Variants in R3HCC1 observed in about 807,000 individuals in gnomAD.
R3HCC1 encodes the protein R3H domain and coiled-coil containing 1, also known as R3H and coiled-coil domain-containing protein 1.
Under a neutral mutation model 40.0 loss-of-function variants are expected in R3HCC1, and 32 were observed. The ratio of observed to expected loss-of-function variants is 0.80; its 90% CI spans 0.60 to 1.07. The LOEUF is 1.07. R3HCC1 is among the 50% of genes least tolerant of loss of function. The pLI, the probability that R3HCC1 is intolerant of heterozygous loss-of-function variation, is 0.00. For synonymous variants in R3HCC1, 237 were observed against 232.8 expected (o/e 1.02, Z -0.17); for missense variants, 586 against 563.3 (o/e 1.04, Z -0.41).
chr8:23,291,581 C>CT, intron 5 of R3HCC1, 48 bp downstream of exon 5: 3 of 1,541,298 alleles, frequency 1.9e-6, no homozygotes, highest in Non-Finnish European at 2.6e-6. Context: ...AGCTAAGATA[C>CT]TTCTCTGTAG....
intron 2 of R3HCC1, among the ~76,000 whole-genome samples, 167 bp from the exon 3 acceptor site, chr8:23,288,849 G>C (rs1196600271): frequency 6.6e-6 from 1 of 152,196 alleles, no homozygotes; most frequent in Non-Finnish European, 1.5e-5. Context: ...GATGGGACCT[G>C]TGGGTCCCTG....
At position 23,291,507 on chromosome 8, in the gene R3HCC1, C is replaced by G; in HGVS notation, c.999C>G (p.Asp333Glu). 1 of 1,551,286 alleles carries G rather than the reference C, an allele frequency of 6.4e-7. No individual in the cohort carries two copies. The highest frequency in any genetic ancestry group is 8.7e-7 in the Non-Finnish European group (1 of 1,146,956). The change falls in exon 5 of 8, where the codon GAC becomes GAG. Residue 333 changes from aspartate to glutamate, a missense_variant. By Grantham distance (45) the Asp-to-Glu change is conservative (BLOSUM62 2). Transcript: ENST00000265806. ...TTGAACCAGCGCTCAAGACGGAGGA[C>G]CTGCTGGCAACGTTTTCTGAGTTCC...
chr8:23,291,689 C>T (rs980205020), intron 5 of R3HCC1, among the ~76,000 whole-genome samples, 156 bp downstream of exon 5: 6 of 152,246 alleles, frequency 3.9e-5, no homozygotes, highest in Non-Finnish European at 8.8e-5. Context: ...CTGGGCAGTT[C>T]TCCCTGCCGG....
At chr8:23,295,638 G>A in intron 7 of R3HCC1, 1 of 476,444 alleles carries the variant, frequency 2.1e-6, no homozygotes, top group Admixed American at 2.9e-5. Context: ...TGAGCTCTGG[G>A]TGTTCCATCC....
At position 23,290,150 on chromosome 8, in the gene R3HCC1, C is replaced by T; in HGVS notation, c.533C>T (p.Pro178Leu). The T allele has an allele frequency of 6.4e-7, 1 of 1,551,626 alleles. No homozygotes were observed. ...CCTGGAGATGTTGGTGCTGGAGACCCCAACTCTGATCAGGGACTCCCTGTG... is the reference window on the plus strand; with the variant it reads ...CCTGGAGATGTTGGTGCTGGAGACCTCAACTCTGATCAGGGACTCCCTGTG... Residue 178 changes from proline (P) to leucine (L), a missense_variant, in exon 4 of 8, where the codon CCC (proline) becomes CTC (leucine). Pro to Leu is a moderately conservative substitution (Grantham distance 98). Coordinates refer to ENST00000265806, the MANE Select transcript of R3HCC1 (RefSeq NM_001136108.3).
At chr8:23,295,885 G>A in intron 7 of R3HCC1, 82 bp from the exon 8 acceptor site, 2 of 1,467,632 alleles carry the variant, frequency 1.4e-6, no homozygotes, top group South Asian at 1.4e-5. Context: ...TGGCTCTGAT[G>A]GCTTGTACGG....
intron 4 of R3HCC1, 71 bp downstream of exon 4, chr8:23,290,540 CA>C: frequency 6.8e-7 from 1 of 1,473,358 alleles, no homozygotes. Flanking sequence ...GGATGGGGAC[CA>C]AGGGTTATGG....
chr8:23,290,565 G>A (rs1802845794), intron 4 of R3HCC1, 96 bp downstream of exon 4: 1 of 1,358,018 alleles, frequency 7.4e-7, no homozygotes. Flanking sequence ...GGAGAGCAGG[G>A]GATGTGCAAG....
At chr8:23,288,399 C>A in intron 1 of R3HCC1, 107 bp from the exon 2 acceptor site, 6 of 1,440,714 alleles carry the variant, frequency 4.2e-6, no homozygotes, top group Non-Finnish European at 4.7e-6. Context: ...CGCCACCGAG[C>A]CTTGGACCAG....
chr8:23,293,175 A>G, intron 5 of R3HCC1, 128 bp from the exon 6 acceptor site: 2 of 681,160 alleles, frequency 2.9e-6, no homozygotes, highest in Non-Finnish European at 5.0e-6. Flanking sequence ...CCGTCCCAGA[A>G]GAGATGGGAC....
At position 23,290,009 on chromosome 8, in the gene R3HCC1, G is replaced by A. The variant is rs139471442; in HGVS notation, c.392G>A (p.Arg131His). The stretch of plus-strand genomic sequence containing the variant: ...CGGGCTGGCCGGTGGTATCGTGGAC[G>A]CAAGCCTGACCAGCCTTTGTATGTG... Residue 131 changes from arginine to histidine, a missense_variant, in exon 4 of 8, where the codon CGC becomes CAC. Arg to His is a conservative substitution (Grantham distance 29). Coordinates refer to ENST00000265806, the MANE Select transcript of R3HCC1 (RefSeq NM_001136108.3). 72 of 1,538,390 alleles carry A rather than the reference G, an allele frequency of 4.7e-5. No homozygotes were observed. Among genetic ancestry groups the A allele is most frequent in the East Asian group, 9.8e-5 (4 of 40,930 alleles).
At chr8:23,294,930 T>C in intron 7 of R3HCC1, 66 bp downstream of exon 7, 3 of 1,103,156 alleles carry the variant, frequency 2.7e-6, no homozygotes, top group South Asian at 2.7e-5. Context: ...AGCATGTGTG[T>C]GTGTGCGTGT....
intron 1 of R3HCC1, 99 bp from the exon 2 acceptor site, chr8:23,288,407 C>T: frequency 6.8e-7 from 1 of 1,470,424 alleles, no homozygotes; most frequent in South Asian, 1.2e-5. Context: ...AGCCTTGGAC[C>T]AGAGGGTTTC....
chr8:23,293,462 T>TG, intron 6 of R3HCC1, 89 bp downstream of exon 6: 1 of 1,037,174 alleles, frequency 9.6e-7, no homozygotes, highest in South Asian at 1.4e-5. Flanking sequence ...CACCATCTCC[T>TG]GGGCGCAGGC....
chr8:23,290,070 G>C lies in R3HCC1; in HGVS notation c.453G>C (p.Leu151=). The change falls in exon 4 of 8, where the codon CTG becomes CTC. Residue 151 remains leucine (L), a synonymous_variant. Transcript: ENST00000265806. ...TGCGCAGGCAGGAAGAATGGGGGCTGACCTCTACCTCGGTGCTCAAGAGAG... is the reference window on the plus strand; with the variant it reads ...TGCGCAGGCAGGAAGAATGGGGGCTCACCTCTACCTCGGTGCTCAAGAGAG... 1.3e-6 allele frequency: 2 copies of C among 1,548,930 alleles called. No homozygotes were observed. The highest frequency in any genetic ancestry group is 8.7e-7 in the Non-Finnish European group (1 of 1,146,988).
chr8:23,294,899 GTGTGTGTGTGTGTGCGTGCGAGCA>G (rs781161185), intron 7 of R3HCC1, 35 bp downstream of exon 7: 13 of 839,550 alleles, frequency 1.5e-5, no homozygotes, highest in Non-Finnish European at 1.8e-5. Context: ...TAGGGAGGCT[GTGTGTGTGTGTGTGCGTGCGAGCA>G]TGTGTGTGTG....
chr8:23,289,191 G>A (rs1344739624), intron 3 of R3HCC1, 38 bp downstream of exon 3: 1 of 1,530,882 alleles, frequency 6.5e-7, no homozygotes, highest in Non-Finnish European at 8.8e-7. Context: ...TGCAGCGGTG[G>A]TGTGTGGGTG....
At chr8:23,291,663 C>A in intron 5 of R3HCC1, 130 bp downstream of exon 5, 1 of 1,422,092 alleles carries the variant, frequency 7.0e-7, no homozygotes, top group Middle Eastern at 2.6e-4. Context: ...GGGTGTGTTG[C>A]CTGGGCTCTG....
In R3HCC1 at chr8:23,290,326, A is replaced by C; in HGVS notation, c.709A>C (p.Thr237Pro). Residue 237 changes from threonine (T) to proline (P), a missense_variant, in exon 4 of 8, where the codon ACC becomes CCC. By Grantham distance (38) the Thr-to-Pro change is conservative. Coordinates refer to ENST00000265806, the MANE Select transcript of R3HCC1 (RefSeq NM_001136108.3). ...GGAGATGGCCACACGGTTTGGGTCCACCCTGCAGCTAGACCTGGAAAAGGG... is the reference window on the plus strand; with the variant it reads ...GGAGATGGCCACACGGTTTGGGTCCCCCCTGCAGCTAGACCTGGAAAAGGG... The C allele has an allele frequency of 6.4e-7, 1 of 1,551,722 alleles. No homozygotes were observed.
Sources: allele counts gnomAD v4.1 joint callset (sites outside exome capture counted in the v4.1 genomes callset), GRCh38; gene constraint gnomAD v4.1.1; transcripts MANE v1.5; gene names NCBI Gene and HGNC (gene_info 2026-07-23, HGNC 2026-07-21).